The following DSC2 variants were observed in gnomAD, a reference collection of about 807,000 sequenced individuals.
DSC2 encodes the protein desmocollin-2.
Under a neutral mutation model 87.6 loss-of-function variants are expected in DSC2, and 51 were observed. The observed-to-expected ratio is 0.58, with a 90% confidence interval of 0.46 to 0.74. The LOEUF is 0.74. Among genes scored for constraint, DSC2 ranks in the 30% least tolerant of loss-of-function variants. The probability of loss-of-function intolerance (pLI) is 0.00; values close to 1 mark genes in which losing one functional copy is unlikely to be tolerated. For missense variants in DSC2, 1,066 were observed against 1,089.5 expected, an observed-to-expected ratio of 0.98 and a Z score of 0.30; for synonymous variants, 383 against 393.2, an observed-to-expected ratio of 0.97 and a Z score of 0.31.
At position 31,092,119 on chromosome 18, in the gene DSC2, A is replaced by G. The variant is rs780747903; in HGVS notation, c.336T>C (p.Phe112=). Residue 112 remains phenylalanine (F), a synonymous_variant, in exon 3 of 16, where the codon TTT becomes TTC. Transcript: ENST00000280904. The part of the protein sequence containing the change: ...ENQEKKKIFV[F]LEHQTKVLKK... ...TGTATACCTTTGTTTGATGCTCCAA[A>G]AAGACAAATATTTTCTTCTTTTCTT... is the stretch of plus-strand genomic sequence containing the variant. 3 of 1,612,814 alleles carry G rather than the reference A, an allele frequency of 1.9e-6. No individual in the cohort carries two copies. The Admixed American group carries it at 5.0e-5, about 27-fold the overall frequency.
intron 7 of DSC2, among the ~76,000 whole-genome samples, chr18:31,085,948 A>T (rs1291397937): frequency 3.9e-5 from 6 of 152,090 alleles, no homozygotes; most frequent in Admixed American, 1.3e-4. Flanking sequence ...AGGTAAAAAC[A>T]TGCTTTAGGA....
intron 14 of DSC2, 70 bp from the exon 15 acceptor site, chr18:31,069,221 C>T: frequency 6.9e-6 from 11 of 1,593,566 alleles, no homozygotes; most frequent in Non-Finnish European, 9.4e-6. Context: ...AGAACAACAT[C>T]AAGCGGATAA....
At position 31,091,061 on chromosome 18, in the gene DSC2, G is replaced by C; in HGVS notation, c.441C>G (p.Asn147Lys). 1 of 1,614,040 alleles carries C rather than the reference G, an allele frequency of 6.2e-7. No individual in the cohort carries two copies. The highest frequency in any genetic ancestry group is 8.5e-7 in the Non-Finnish European group (1 of 1,179,936). The change falls in exon 4 of 16, where the codon AAC (asparagine) becomes AAG (lysine). Residue 147 changes from asparagine (N) to lysine (K), a missense_variant. Physicochemically the swap from Asn to Lys is moderately conservative, Grantham distance 94. Coordinates refer to ENST00000280904, the MANE Select transcript of DSC2 (RefSeq NM_024422.6). ...GGAAAAGTGGAAAAGGACCCAAGGA[G>C]TTTTCTAGCATCGAACAAGGAATTG... is the stretch of plus-strand genomic sequence containing the variant. ...WAPIPCSMLE[N>K]SLGPFPLFLQ...
At chr18:31,084,033 C>CT (rs1175453832) in intron 7 of DSC2, among the ~76,000 whole-genome samples, 1 of 152,128 alleles carries the variant, frequency 6.6e-6, no homozygotes, top group African/African-American at 2.4e-5. Flanking sequence ...CTTACCTTTC[C>CT]TACCTAATTT....
At chr18:31,096,551 A>G (rs1029252058) in intron 1 of DSC2, among the ~76,000 whole-genome samples, 24 of 152,194 alleles carry the variant, frequency 1.6e-4, no homozygotes, top group African/African-American at 5.3e-4. Flanking sequence ...CCACACTCAC[A>G]TCTTTTGCTT....
Position 31,091,045 on chromosome 18 carries a change from G to A in DSC2, c.457C>T (p.Pro153Ser). ...SMLENSLGPFPLFLQQVQSDT... is the reference protein window; with the variant it reads ...SMLENSLGPFSLFLQQVQSDT... ...AACGGTACCTGTTGAAGGAAAAGTG[G>A]AAAAGGACCCAAGGAGTTTTCTAGC... Residue 153 changes from proline to serine, a missense_variant, in exon 4 of 16, where the codon CCA (proline) becomes TCA (serine). Physicochemically the swap from Pro to Ser is moderately conservative, Grantham distance 74. Coordinates refer to ENST00000280904, the MANE Select transcript of DSC2 (RefSeq NM_024422.6). The A allele has an allele frequency of 6.2e-7, 1 of 1,614,040 alleles. No individual in the cohort carries two copies. The highest frequency in any genetic ancestry group is 2.2e-5 in the East Asian group (1 of 44,858).
intron 1 of DSC2, chr18:31,101,593 C>T: frequency 2.7e-6 from 1 of 364,772 alleles, no homozygotes; most frequent in Non-Finnish European, 4.9e-6. Context: ...CCGGCGCACC[C>T]TGCTCCCCGG....
intron 1 of DSC2, among the ~76,000 whole-genome samples, chr18:31,097,838 C>T (rs957037446): frequency 2.0e-5 from 3 of 151,746 alleles, no homozygotes; most frequent in Non-Finnish European, 4.4e-5. Flanking sequence ...CTACATCGCA[C>T]GTTGTTGAAC....
At position 31,059,967 on chromosome 18, in the gene DSC2, G is replaced by T. The variant is rs1297222080; in HGVS notation, c.*8048C>A. Reference sequence around the variant, plus strand: ...TTCCTAATTTGTCCTTATTTGATATGCTAGAAATTTGAGGTTTCTGTGATT... The same window carrying T: ...TTCCTAATTTGTCCTTATTTGATATTCTAGAAATTTGAGGTTTCTGTGATT... On this transcript the variant is annotated 3_prime_UTR_variant, in exon 16 of 16. Coordinates refer to ENST00000280904, the MANE Select transcript of DSC2 (RefSeq NM_024422.6). The T allele has an allele frequency of 6.6e-6, 1 of 152,066 alleles. No individual in the cohort carries two copies. The highest frequency in any genetic ancestry group is 1.5e-5 in the Non-Finnish European group (1 of 68,004). The allele number at this position is 152,066 out of a possible 1,614,324, so 9.4% of individuals were successfully genotyped here. A position where few individuals can be genotyped will look rare whatever the true frequency, so the allele number is the denominator to read the frequency against.
Position 31,092,131 on chromosome 18 carries a change from T to C in DSC2, c.324A>G (p.Lys108=), listed in dbSNP as rs779651366. ...LSNTENQEKK[K]IFVFLEHQTK... ...TTTGATGCTCCAAAAAGACAAATAT[T>C]TTCTTCTTTTCTTGGTTCTCAGTGT... The change falls in exon 3 of 16, where the codon AAA becomes AAG. Residue 108 remains lysine, a synonymous_variant. Transcript: ENST00000280904. The C allele has an allele frequency of 9.3e-6, 15 of 1,613,018 alleles. No individual in the cohort carries two copies. Among genetic ancestry groups the C allele is most frequent in the Non-Finnish European group, 1.2e-5 (14 of 1,179,464 alleles).
chr18:31,093,820 T>A (rs1459894406), intron 1 of DSC2, among the ~76,000 whole-genome samples, 177 bp from the exon 2 acceptor site: 1 of 149,250 alleles, frequency 6.7e-6, no homozygotes, highest in African/African-American at 2.4e-5. Flanking sequence ...TTAAAATATT[T>A]AATTAAATAT....
At chr18:31,072,425 C>G (rs1157962380) in intron 12 of DSC2, among the ~76,000 whole-genome samples, 1 of 152,140 alleles carries the variant, frequency 6.6e-6, no homozygotes, top group Non-Finnish European at 1.5e-5. Flanking sequence ...ACCAACTGCA[C>G]GTGTCTTAGT....
rs896906840 is a variant in DSC2 at position 31,065,761 on chromosome 18, G to A, written c.*2254C>T. The A allele has an allele frequency of 2.6e-5, 4 of 152,162 alleles. No individual in the cohort carries two copies. Among genetic ancestry groups the A allele is most frequent in the African/African-American group, 9.7e-5 (4 of 41,446 alleles). The allele number at this position is 152,162 out of a possible 1,614,324, so 9.4% of individuals were successfully genotyped here. ...AGATGTTCTGCTTTTCATCCAATTT[G>A]AACCTTACAGTTTCACAGTGTTTCA... On this transcript the variant is annotated 3_prime_UTR_variant, in exon 16 of 16. Transcript: ENST00000280904.
chr18:31,080,137 A>G lies in DSC2; in HGVS notation c.1479T>C (p.Tyr493=). Residue 493 remains tyrosine (Y), a synonymous_variant, in exon 10 of 16, where the codon TAT becomes TAC. Transcript: ENST00000280904. ...TTCTTGTTTCTGGGTCATATGCTTT[A>G]TATCCATTGCTTGTTGTTCCCACTT... ...NAEVGTTSNG[Y]KAYDPETRSS... 1.2e-6 allele frequency: 2 copies of G among 1,614,070 alleles called. No individual in the cohort carries two copies. The highest frequency in any genetic ancestry group is 1.7e-6 in the Non-Finnish European group (2 of 1,179,990).
rs566422844 is a variant in DSC2, at chr18:31,066,161, C to A, written c.*1854G>T. 5 of 152,098 alleles carry A rather than the reference C, an allele frequency of 3.3e-5. No homozygotes were observed. The highest frequency in any genetic ancestry group is 1.2e-4 in the African/African-American group (5 of 41,416). 9.4% of individuals were successfully genotyped at this position (152,098 alleles called of 1,614,324 possible). On this transcript the variant is annotated 3_prime_UTR_variant, in exon 16 of 16. Transcript: ENST00000280904. ...GCAAAAGCAAGCAACTTAACCAATACCCCATGGCCTCACAGCCTTTAGAAT... is the reference window on the plus strand; with the variant it reads ...GCAAAAGCAAGCAACTTAACCAATAACCCATGGCCTCACAGCCTTTAGAAT...
intron 1 of DSC2, chr18:31,101,635 C>A (rs1298300359): frequency 2.2e-6 from 1 of 444,838 alleles, no homozygotes; most frequent in East Asian, 3.9e-5. Flanking sequence ...TTTGGCTGGG[C>A]GAAAGCGGCC....
At chr18:31,080,934 TG>T (rs913102515) in intron 9 of DSC2, among the ~76,000 whole-genome samples, 2 of 151,104 alleles carry the variant, frequency 1.3e-5, no homozygotes, top group African/African-American at 4.9e-5. Flanking sequence ...TGGGTAAAGC[TG>T]GAAAAAAAAA....
intron 1 of DSC2, among the ~76,000 whole-genome samples, chr18:31,099,871 T>C (rs2144866125): frequency 6.6e-6 from 1 of 152,142 alleles, no homozygotes; most frequent in East Asian, 1.9e-4. Flanking sequence ...ACCAAAGATA[T>C]TTCTCCCCCC....
rs1167430932 is a variant in DSC2, at chr18:31,083,100, C to A, written c.943-40G>T. 3 of 1,594,478 alleles carry A rather than the reference C, an allele frequency of 1.9e-6. No homozygotes were observed. The African/African-American group carries it at 4.0e-5, about 21-fold the overall frequency. ...AGAATTTAATTATTGGGGGAAAGCA[C>A]CAACATTATAATTGAAATCTTACTT... On this transcript the variant is annotated intron_variant, in intron 7 of 15. Transcript: ENST00000280904.
Sources: gnomAD v4.1 joint callset for allele counts (sites outside exome capture counted in the v4.1 genomes callset) on GRCh38, gnomAD v4.1.1 for gene constraint, MANE v1.5 for transcripts, NCBI Gene and HGNC (gene_info 2026-07-23, HGNC 2026-07-21) for gene names.